The following AQP1 variants were observed in gnomAD, a reference collection of about 807,000 sequenced individuals.
The protein encoded by AQP1 is aquaporin-1.
In AQP1, 11 loss-of-function variants were observed where a neutral mutation model predicts 19.7. The observed-to-expected ratio is 0.56, with a 90% confidence interval of 0.35 to 0.92. The LOEUF is 0.92. AQP1 is among the 40% of genes least tolerant of loss of function. The pLI, the probability that AQP1 is intolerant of heterozygous loss-of-function variation, is 0.01. For missense variants in AQP1, 320 were observed against 369.7 expected, an observed-to-expected ratio of 0.87 and a Z score of 1.10; for synonymous variants, 159 against 166.7, an observed-to-expected ratio of 0.95 and a Z score of 0.36.
intron 1 of AQP1, chr7:30,921,329 AGAC>A: frequency 7.4e-7 from 1 of 1,353,644 alleles, no homozygotes; most frequent in Non-Finnish European, 9.5e-7. Context: ...AGTGGCAGCC[AGAC>A]GGTGGTGGCG....
rs960891422 is a variant in AQP1, at chr7:30,922,320, G to A, written c.549+90G>A. On this transcript the variant is annotated intron_variant, in intron 2 of 3. Coordinates refer to ENST00000311813, the MANE Select transcript of AQP1 (RefSeq NM_198098.4). ...GCCATGGGCAGCCAGTGGGACTCCC[G>A]ACAGGGCTCTTGCCATTGGGTGGAG... 2.4e-5 allele frequency: 36 copies of A among 1,494,836 alleles called. No individual in the cohort carries two copies. The African/African-American group carries it at 3.2e-4, about 13-fold the overall frequency. The allele number at this position is 1,494,836 out of a possible 1,614,324, so 92.6% of individuals were successfully genotyped here. A position where few individuals can be genotyped will look rare whatever the true frequency, so the allele number is the denominator to read the frequency against.
chr7:30,916,592 C>A lies in AQP1; in HGVS notation c.384+4299C>A, dbSNP rs28362716. 4.6e-3 allele frequency among the ~76,000 whole-genome samples: 705 copies of A among 152,366 alleles called. 11 individuals are homozygous for A. Among genetic ancestry groups the A allele is most frequent in the African/African-American group, 0.016 (666 of 41,592 alleles). ...TGGTGCCCAGGGGGATCATGAGGGG[C>A]TGTCTTCACTCAGCCAGGAGCTACA... On this transcript the variant is annotated intron_variant, in intron 1 of 3. Transcript: ENST00000311813.
intron 1 of AQP1, among the ~76,000 whole-genome samples, chr7:30,918,249 C>T (rs2299906): frequency 0.14 from 20,713 of 152,162 alleles, 1,906 homozygotes; most frequent in East Asian, 0.32. Context: ...GCCTTGGCTT[C>T]TCAGAGTGCT....
At position 30,923,037 on chromosome 7, in the gene AQP1, G is replaced by A. The variant is rs955677943; in HGVS notation, c.630+393G>A. ...CTCAGGGTGGCCGAGAAGAGGAAAG[G>A]GCTCACTCCCCATCTGTAAACTGAG... is the stretch of plus-strand genomic sequence containing the variant. On this transcript the variant is annotated intron_variant, in intron 3 of 3. Coordinates refer to ENST00000311813, the MANE Select transcript of AQP1 (RefSeq NM_198098.4). This position sits in a 1 kb window ranked among gnomAD's most constrained non-coding sequence, Gnocchi z 4.8. Among the ~76,000 whole-genome samples, 3 of 152,312 alleles carry A rather than the reference G, an allele frequency of 2.0e-5. No homozygotes were observed. The highest frequency in any genetic ancestry group is 7.2e-5 in the African/African-American group (3 of 41,576).
intron 1 of AQP1, 33 bp from the exon 2 acceptor site, chr7:30,922,033 C>T (rs1306750793): frequency 6.2e-6 from 10 of 1,612,640 alleles, no homozygotes; most frequent in Admixed American, 3.3e-5. Context: ...GCCTACCCTC[C>T]TCACCAGTCC....
In AQP1 at chr7:30,923,388, TA is replaced by T; in HGVS notation, c.631-61del. 3 of 1,610,988 alleles carry T rather than the reference TA, an allele frequency of 1.9e-6. No homozygotes were observed. The Admixed American group carries it at 5.0e-5, about 27-fold the overall frequency. On this transcript the variant is annotated intron_variant, in intron 3 of 3. Transcript: ENST00000311813. The surrounding 1 kb of genome is among the most constrained non-coding windows in gnomAD (Gnocchi z 4.8). The stretch of plus-strand genomic sequence containing the variant: ...CGGGGTGGTGGGCTGTGGGGTAACC[TA>T]GGGAACGCTTCCCAGGGGCTTTTGA...
chr7:30,923,719 G>A lies in AQP1; in HGVS notation c.*90G>A. 1.3e-6 allele frequency: 2 copies of A among 1,507,026 alleles called. No homozygotes were observed. The highest frequency in any genetic ancestry group is 1.8e-6 in the Non-Finnish European group (2 of 1,124,132). 93.4% of individuals were successfully genotyped at this position (1,507,026 alleles called of 1,614,324 possible). ...GTGAAATCCATACTGTAGACACTCTGACAAGCTGGCCAAAGTCACTTCCCC... is the reference window on the plus strand; with the variant it reads ...GTGAAATCCATACTGTAGACACTCTAACAAGCTGGCCAAAGTCACTTCCCC... On this transcript the variant is annotated 3_prime_UTR_variant, in exon 4 of 4. Coordinates refer to ENST00000311813, the MANE Select transcript of AQP1 (RefSeq NM_198098.4). This position sits in a 1 kb window ranked among gnomAD's most constrained non-coding sequence, Gnocchi z 4.8.
Position 30,924,400 on chromosome 7 carries a change from C to T in AQP1, c.*771C>T, listed in dbSNP as rs1738000042. 1 of 154,310 alleles carries T rather than the reference C, an allele frequency of 6.5e-6. No individual in the cohort carries two copies. The highest frequency in any genetic ancestry group is 2.4e-5 in the African/African-American group (1 of 41,510). 9.6% of individuals were successfully genotyped at this position (154,310 alleles called of 1,614,324 possible). A position where few individuals can be genotyped will look rare whatever the true frequency, so the allele number is the denominator to read the frequency against. ...TGTACATGTGTGCAGAGCAGACAGGCTACAAAGCAGAGATCGACAGACAGC... is the reference window on the plus strand; with the variant it reads ...TGTACATGTGTGCAGAGCAGACAGGTTACAAAGCAGAGATCGACAGACAGC... On this transcript the variant is annotated 3_prime_UTR_variant, in exon 4 of 4. Transcript: ENST00000311813.
chr7:30,922,876 A>AG (rs1482060243), intron 3 of AQP1, among the ~76,000 whole-genome samples: 1 of 152,188 alleles, frequency 6.6e-6, no homozygotes, highest in East Asian at 1.9e-4. Context: ...CCTGGCCTCC[A>AG]GGTCTTCCCA....
chr7:30,921,369 G>A, intron 1 of AQP1: 2 of 1,392,064 alleles, frequency 1.4e-6, no homozygotes, highest in Non-Finnish European at 1.9e-6. Flanking sequence ...GCAGAGGGAG[G>A]GTGAGGCTGA....
chr7:30,921,809 C>T (rs1490455640), intron 1 of AQP1: 1 of 1,550,506 alleles, frequency 6.4e-7, no homozygotes, highest in South Asian at 1.2e-5. Flanking sequence ...TCTCCAGCTT[C>T]TAGGCAGAGT....
intron 1 of AQP1, among the ~76,000 whole-genome samples, chr7:30,914,102 C>A (rs2128588518): frequency 6.6e-6 from 1 of 152,340 alleles, no homozygotes; most frequent in East Asian, 1.9e-4. Context: ...GGGTGGGCCC[C>A]TTCTGTGCCA....
Position 30,921,433 on chromosome 7 carries a change from G to A in AQP1, c.385-633G>A, listed in dbSNP as rs1791496551. The A allele has an allele frequency of 2.1e-6, 3 of 1,442,574 alleles. No individual in the cohort carries two copies. In the South Asian group the frequency reaches 4.7e-5, roughly 22 times the overall value. The allele number at this position is 1,442,574 out of a possible 1,614,324, so 89.4% of individuals were successfully genotyped here. ...AGGAGAGACAGGGAGGGCAGGGCCA[G>A]AAGCAATGGGAGACAGGCCTTGGAC... is the stretch of plus-strand genomic sequence containing the variant. On this transcript the variant is annotated intron_variant, in intron 1 of 3. Transcript: ENST00000311813.
At position 30,912,053 on chromosome 7, in the gene AQP1, C is replaced by A. The variant is rs1340576534; in HGVS notation, c.144C>A (p.Asp48Glu). The A allele has an allele frequency of 6.2e-7, 1 of 1,613,508 alleles. No homozygotes were observed. The highest frequency in any genetic ancestry group is 1.7e-5 in the Admixed American group (1 of 60,030). The change falls in exon 1 of 4, where the codon GAC becomes GAA. Residue 48 changes from aspartate to glutamate, a missense_variant. Asp to Glu is a conservative substitution (Grantham distance 45). Transcript: ENST00000311813. The surrounding 1 kb of genome is among the most constrained non-coding windows in gnomAD (Gnocchi z 4.3). ...PVGNNQTAVQ[D>E]NVKVSLAFGL... Reference sequence around the variant, plus strand: ...GGAACAACCAGACGGCGGTCCAGGACAACGTGAAGGTGTCGCTGGCCTTCG... The same window carrying A: ...GGAACAACCAGACGGCGGTCCAGGAAAACGTGAAGGTGTCGCTGGCCTTCG...
intron 1 of AQP1, among the ~76,000 whole-genome samples, chr7:30,919,989 C>T (rs1309986375): frequency 6.6e-6 from 1 of 152,128 alleles, no homozygotes; most frequent in East Asian, 1.9e-4. Context: ...GTGGCTGACC[C>T]CTCCCCTTCC....
rs1584391866 is a variant in AQP1, at chr7:30,923,855, T to A, written c.*226T>A. 6.6e-7 allele frequency: 1 copy of A among 1,521,550 alleles called. No individual in the cohort carries two copies. The highest frequency in any genetic ancestry group is 2.5e-5 in the East Asian group (1 of 39,338). The allele number at this position is 1,521,550 out of a possible 1,614,324, so 94.3% of individuals were successfully genotyped here. On this transcript the variant is annotated 3_prime_UTR_variant, in exon 4 of 4. Coordinates refer to ENST00000311813, the MANE Select transcript of AQP1 (RefSeq NM_198098.4). The surrounding 1 kb of genome is among the most constrained non-coding windows in gnomAD (Gnocchi z 4.8). ...TTCCTGGGGACCAAGATTTACCAAT[T>A]CACCCACTCCCTTGAAGTTGTGGAG...
rs1286534521 is a variant in AQP1, at chr7:30,912,448, G to C, written c.384+155G>C. Among the ~76,000 whole-genome samples, 2 of 152,186 alleles carry C rather than the reference G, an allele frequency of 1.3e-5. No homozygotes were observed. Among genetic ancestry groups the C allele is most frequent in the Non-Finnish European group, 2.9e-5 (2 of 68,042 alleles). The stretch of plus-strand genomic sequence containing the variant: ...TAGAGAGCTGGGGGGAAGAGCTGGG[G>C]CTGGAACTCAGCTATGCATGCCTCC... On this transcript the variant is annotated intron_variant, in intron 1 of 3. Transcript: ENST00000311813. This position sits in a 1 kb window ranked among gnomAD's most constrained non-coding sequence, Gnocchi z 4.3.
At chr7:30,922,695 G>A in intron 3 of AQP1, 51 bp downstream of exon 3, 1 of 1,524,784 alleles carries the variant, frequency 6.6e-7, no homozygotes, top group Non-Finnish European at 9.1e-7. Flanking sequence ...CCCATGGTAA[G>A]CCTGACCCCA....
chr7:30,919,713 C>T (rs138164621), intron 1 of AQP1, among the ~76,000 whole-genome samples: 122 of 152,188 alleles, frequency 8.0e-4, no homozygotes, highest in African/African-American at 2.6e-3. Flanking sequence ...TAAACAGTAA[C>T]GTACATTTGA....
Sources: gnomAD v4.1 joint callset for allele counts (sites outside exome capture counted in the v4.1 genomes callset) on GRCh38, gnomAD v4.1.1 for gene constraint, Gnocchi (gnomAD v3.1) non-coding constraint, MANE v1.5 for transcripts, NCBI Gene and HGNC (gene_info 2026-07-23, HGNC 2026-07-21) for gene names.